Variants in PCDH15 observed in about 807,000 individuals in gnomAD.
PCDH15 encodes protocadherin related 15.
PCDH15 carries 129 observed loss-of-function variants against 178.5 expected under a neutral mutation model. The observed-to-expected ratio is 0.72, with a 90% CI of 0.63 to 0.84. The LOEUF is 0.84. PCDH15 is among the 40% of genes least tolerant of loss of function. The pLI, the probability that PCDH15 is intolerant of heterozygous loss-of-function variation, is 0.00. For missense variants in PCDH15, 2,230 were observed against 2,099.9 expected, an observed-to-expected ratio of 1.06 and a Z score of -1.21; for synonymous variants, 800 against 732.0, an observed-to-expected ratio of 1.09 and a Z score of -1.50.
chr10:55,313,847 C>A lies in PCDH15; in HGVS notation c.-156+5752G>T, dbSNP rs948736921. 3.3e-5 allele frequency among the ~76,000 whole-genome samples: 5 copies of A among 152,086 alleles called. No individual in the cohort carries two copies. The South Asian group carries it at 8.3e-4, about 25-fold the overall frequency. The stretch of plus-strand genomic sequence containing the variant: ...CATGTTACATATATTGTGAGTAAAA[C>A]AAAATGTGTATACCTATAAAAATAT... On this transcript the variant is annotated intron_variant, in intron 1 of 5. Coordinates refer to the PCDH15 transcript ENST00000458638.
chr10:55,159,850 C>T (rs190813622), intron 2 of PCDH15, among the ~76,000 whole-genome samples: 7 of 149,204 alleles, frequency 4.7e-5, no homozygotes, highest in Non-Finnish European at 7.4e-5. Context: ...CTTTTGCAAA[C>T]GACGGTTTTT....
At chr10:54,553,518 T>A (rs527808991) in intron 2 of PCDH15, among the ~76,000 whole-genome samples, 1 of 152,300 alleles carries the variant, frequency 6.6e-6, no homozygotes, top group South Asian at 2.1e-4. Flanking sequence ...CTCAATTGTG[T>A]CCTTCTGTCC....
intron 1 of PCDH15, among the ~76,000 whole-genome samples, chr10:55,240,286 A>G (rs1841507041): frequency 6.6e-6 from 1 of 152,214 alleles, no homozygotes; most frequent in Non-Finnish European, 1.5e-5. Flanking sequence ...ACAAAGTAGT[A>G]TGACATGTCT....
intron 2 of PCDH15, among the ~76,000 whole-genome samples, chr10:55,359,720 G>GTATATATATATATATATATATA (rs57949952): frequency 4.4e-5 from 5 of 112,896 alleles, no homozygotes; most frequent in African/African-American, 1.9e-4. Flanking sequence ...AAAATGTGGT[G>GTATATATATATATATATATATA]TATATATATA....
chr10:54,801,250 ATCTG>A (rs1360385249), upstream of PCDH15: 1 of 152,218 alleles, frequency 6.6e-6, no homozygotes, highest in Non-Finnish European at 1.5e-5. Context: ...GCTAGCAGGA[ATCTG>A]TCTGCCCTCT....
chr10:54,442,437 TATATATATATATATATATATATAC>T (rs2075872273), intron 3 of PCDH15, among the ~76,000 whole-genome samples: 3 of 119,022 alleles, frequency 2.5e-5, no homozygotes, highest in African/African-American at 1.1e-4. Context: ...TATATATATA[TATATATATATATATATATATATAC>T]AGTCTTTTTT....
At position 55,230,122 on chromosome 10, in the gene PCDH15, A is replaced by AT. The variant is rs199924600; in HGVS notation, c.-155-63472dup. Among the ~76,000 whole-genome samples the AT allele has an allele frequency of 8.9e-3, 1,360 of 152,188 alleles. 31 individuals are homozygous for AT. The highest frequency in any genetic ancestry group is 0.031 in the African/African-American group (1,287 of 41,514). ...TCTAAATTGTATTCAATATTGCTATATGCAAATAAAGTGTATGAGAACATT... is the reference window on the plus strand; with the variant it reads ...TCTAAATTGTATTCAATATTGCTATATTGCAAATAAAGTGTATGAGAACATT... On this transcript the variant is annotated intron_variant, in intron 1 of 5. Transcript: ENST00000458638.
At chr10:54,516,488 A>G in intron 3 of PCDH15, among the ~76,000 whole-genome samples, 1 of 152,088 alleles carries the variant, frequency 6.6e-6, no homozygotes. Flanking sequence ...AATGAAATGA[A>G]GCAAGAAGGG....
intron 2 of PCDH15, among the ~76,000 whole-genome samples, chr10:55,093,240 T>C (rs1331079971): frequency 6.6e-6 from 1 of 152,122 alleles, no homozygotes; most frequent in Admixed American, 6.6e-5. Context: ...TGGGGTATCA[T>C]GTAATTTATG....
chr10:53,893,555 T>C (rs1218122519), intron 26 of PCDH15, among the ~76,000 whole-genome samples: 1 of 152,160 alleles, frequency 6.6e-6, no homozygotes, highest in Non-Finnish European at 1.5e-5. Flanking sequence ...TAAATGCCCA[T>C]CAACCAATGA....
intron 3 of PCDH15, among the ~76,000 whole-genome samples, chr10:54,508,143 A>C (rs4935522): frequency 0.092 from 13,953 of 152,024 alleles, 957 homozygotes; most frequent in East Asian, 0.34. Context: ...TGGAGTTAAC[A>C]TCCTACTGTA....
At chr10:55,414,770 G>GGTGTGTGTGT (rs71014486) in intron 2 of PCDH15, among the ~76,000 whole-genome samples, 49 of 146,972 alleles carry the variant, frequency 3.3e-4, no homozygotes, top group African/African-American at 1.1e-3. Context: ...TCTAACAAGG[G>GGTGTGTGTGT]GTGTGTGTGT....
chr10:55,151,272 T>C (rs1438488322), intron 2 of PCDH15, among the ~76,000 whole-genome samples: 1 of 152,122 alleles, frequency 6.6e-6, no homozygotes, highest in Admixed American at 6.6e-5. Flanking sequence ...AATTGTATAA[T>C]GTTTTTCAAG....
rs879577506 is a variant in PCDH15, at chr10:55,216,111, G to GA, written c.-155-49461dup. On this transcript the variant is annotated intron_variant, in intron 1 of 5. Coordinates refer to the PCDH15 transcript ENST00000458638. Reference sequence around the variant, plus strand: ...AAAATATATTAATGCTCACCACCTAGAAAAAAAAATGAGGAAGCACATATA... The same window carrying GA: ...AAAATATATTAATGCTCACCACCTAGAAAAAAAAAATGAGGAAGCACATATA... Among the ~76,000 whole-genome samples the GA allele has an allele frequency of 1.1e-4, 16 of 149,792 alleles. No individual in the cohort carries two copies. The East Asian group carries it at 1.8e-3, about 16-fold the overall frequency.
chr10:55,550,614 T>A, intron 2 of PCDH15, among the ~76,000 whole-genome samples: 1 of 152,288 alleles, frequency 6.6e-6, no homozygotes, highest in South Asian at 2.1e-4. Context: ...TTCACATTTT[T>A]AAAAGACAAA....
intron 8 of PCDH15, among the ~76,000 whole-genome samples, chr10:54,288,352 G>T (rs990735471): frequency 6.7e-6 from 1 of 148,326 alleles, no homozygotes; most frequent in South Asian, 2.1e-4. Flanking sequence ...AGAGAGAGAG[G>T]AGAGAGAAAC....
intron 2 of PCDH15, among the ~76,000 whole-genome samples, chr10:54,960,999 A>T (rs1838631394): frequency 6.6e-6 from 1 of 152,230 alleles, no homozygotes; most frequent in South Asian, 2.1e-4. Context: ...CTTAAAACAA[A>T]TCAATGCAAA....
intron 8 of PCDH15, among the ~76,000 whole-genome samples, chr10:54,267,159 G>C (rs1309770044): frequency 4.6e-5 from 7 of 150,746 alleles, no homozygotes; most frequent in South Asian, 2.1e-4. Context: ...ATCACATAAA[G>C]AGAATTAAAA....
chr10:54,687,309 T>G (rs1477150343), intron 1 of PCDH15, among the ~76,000 whole-genome samples: 2 of 152,050 alleles, frequency 1.3e-5, no homozygotes, highest in African/African-American at 4.8e-5. Context: ...TTCTTGGCAT[T>G]TATCCAAAAG....
Sources: allele counts gnomAD v4.1 joint callset (sites outside exome capture counted in the v4.1 genomes callset), GRCh38; gene constraint gnomAD v4.1.1; transcripts MANE v1.5; gene names NCBI Gene and HGNC (gene_info 2026-07-23, HGNC 2026-07-21).